Variants in FLRT1 observed in about 807,000 individuals in gnomAD.
The protein encoded by FLRT1 is fibronectin leucine rich transmembrane protein 1.
A neutral mutation model predicts 30.9 loss-of-function variants in FLRT1; 14 were observed. That is an observed-to-expected ratio of 0.45 (90% CI 0.30 to 0.71). FLRT1 has a LOEUF of 0.71. FLRT1 is among the 30% of genes least tolerant of loss of function. The pLI is 0.08. For synonymous variants in FLRT1, 368 were observed against 430.4 expected, an observed-to-expected ratio of 0.85 and a Z score of 1.80; for missense variants, 737 against 949.2, an observed-to-expected ratio of 0.78 and a Z score of 2.94.
chr11:64,099,673 T>C (rs370249322), intron 1 of FLRT1, among the ~76,000 whole-genome samples: 1 of 148,376 alleles, frequency 6.7e-6, no homozygotes, highest in African/African-American at 2.5e-5. Flanking sequence ...AGTGGATAGA[T>C]TGATGGAGGG....
At chr11:64,065,261 C>T (rs995542650) in intron 1 of FLRT1, among the ~76,000 whole-genome samples, 15 of 152,110 alleles carry the variant, frequency 9.9e-5, no homozygotes, top group East Asian at 5.8e-4. Flanking sequence ...AGCAGTGAGG[C>T]GGTGGGTGGG....
At chr11:64,104,582 T>C (rs1944725918) in intron 2 of FLRT1, among the ~76,000 whole-genome samples, 1 of 152,042 alleles carries the variant, frequency 6.6e-6, no homozygotes, top group Non-Finnish European at 1.5e-5. Context: ...TCTGGTAACC[T>C]AGGCTACTTG....
chr11:64,047,393 G>A lies in FLRT1; in HGVS notation c.-1038+11234G>A, dbSNP rs147454662. ...ACTGGGCCAAGGTCACCCAGCAATCGGAGGAGATAAAGCCAGGTCCATGCC... is the reference window on the plus strand; with the variant it reads ...ACTGGGCCAAGGTCACCCAGCAATCAGAGGAGATAAAGCCAGGTCCATGCC... On this transcript the variant is annotated intron_variant, in intron 1 of 2. Coordinates refer to ENST00000682287, the MANE Select transcript of FLRT1 (RefSeq NM_013280.5). Among the ~76,000 whole-genome samples the A allele has an allele frequency of 6.7e-3, 1,019 of 152,254 alleles. 15 individuals carry two copies. The highest frequency in any genetic ancestry group is 0.024 in the African/African-American group (977 of 41,540).
chr11:64,050,640 C>G (rs1943675526), intron 1 of FLRT1, among the ~76,000 whole-genome samples: 1 of 152,224 alleles, frequency 6.6e-6, no homozygotes, highest in African/African-American at 2.4e-5. Context: ...CATGGCCCAG[C>G]TGACTTTCAC....
intron 1 of FLRT1, among the ~76,000 whole-genome samples, chr11:64,084,146 T>C (rs1024455934): frequency 6.6e-6 from 1 of 152,126 alleles, no homozygotes; most frequent in Non-Finnish European, 1.5e-5. Context: ...TGTACATGAG[T>C]GCATGGCACG....
intron 1 of FLRT1, among the ~76,000 whole-genome samples, chr11:64,073,284 C>T (rs898485063): frequency 1.3e-5 from 2 of 152,196 alleles, no homozygotes; most frequent in African/African-American, 2.4e-5. Context: ...TGTGATCAAC[C>T]GGCTGTCACT....
At chr11:64,114,089 T>C (rs1341512600) in intron 2 of FLRT1, among the ~76,000 whole-genome samples, 1 of 149,528 alleles carries the variant, frequency 6.7e-6, no homozygotes, top group Admixed American at 6.6e-5. Context: ...GATGGATGGA[T>C]GGATGGACAG....
intron 1 of FLRT1, among the ~76,000 whole-genome samples, chr11:64,072,573 T>G (rs1167626866): frequency 6.6e-6 from 1 of 152,254 alleles, no homozygotes; most frequent in Non-Finnish European, 1.5e-5. Flanking sequence ...TCCTGACGTG[T>G]GGCCTTGGCC....
chr11:64,105,063 G>A (rs1343655998), intron 2 of FLRT1, among the ~76,000 whole-genome samples: 3 of 152,264 alleles, frequency 2.0e-5, no homozygotes, highest in Non-Finnish European at 2.9e-5. Context: ...TCGTCAGCAC[G>A]GCGCAGCATG....
At chr11:64,092,970 G>A (rs774813382) in intron 1 of FLRT1, among the ~76,000 whole-genome samples, 2 of 152,272 alleles carry the variant, frequency 1.3e-5, no homozygotes, top group Admixed American at 6.5e-5. Flanking sequence ...GAGGGAGTTC[G>A]GCTTGCAGCC....
chr11:64,087,904 C>T (rs907984979), intron 1 of FLRT1, among the ~76,000 whole-genome samples: 1 of 152,176 alleles, frequency 6.6e-6, no homozygotes, highest in Non-Finnish European at 1.5e-5. Context: ...CTTTCTGCGA[C>T]AGGGGAGAGG....
chr11:64,086,377 T>G (rs1312484532), intron 1 of FLRT1, among the ~76,000 whole-genome samples: 1 of 152,070 alleles, frequency 6.6e-6, no homozygotes, highest in African/African-American at 2.4e-5. Context: ...GGTGCCCTTG[T>G]GACTACCCCC....
chr11:64,059,022 G>C (rs1943846295), intron 1 of FLRT1, among the ~76,000 whole-genome samples: 1 of 152,212 alleles, frequency 6.6e-6, no homozygotes, highest in Non-Finnish European at 1.5e-5. Flanking sequence ...GGGCTGAGGA[G>C]TGCCTGATGC....
rs761090066 is a variant in FLRT1, at chr11:64,117,325, G to A, written c.1058G>A (p.Arg353Gln). ...GCACGGGCGGCCGTGGTCAACGTGCGGGGCCTCATGTGCCAGGGCCCTGAG... is the reference window on the plus strand; with the variant it reads ...GCACGGGCGGCCGTGGTCAACGTGCAGGGCCTCATGTGCCAGGGCCCTGAG... ...VKARAAVVNV[R>Q]GLMCQGPEKV... Residue 353 changes from arginine (R) to glutamine (Q), a missense_variant, in exon 3 of 3, where the codon CGG (arginine) becomes CAG (glutamine). Physicochemically the swap from Arg to Gln is conservative, Grantham distance 43. Coordinates refer to ENST00000682287, the MANE Select transcript of FLRT1 (RefSeq NM_013280.5). 14 of 1,614,078 alleles carry A rather than the reference G, an allele frequency of 8.7e-6. No homozygotes were observed. Among genetic ancestry groups the A allele is most frequent in the East Asian group, 4.5e-5 (2 of 44,874 alleles).
In FLRT1 at chr11:64,110,992, A is replaced by G. The variant is rs188077081; in HGVS notation, c.-49-5227A>G. On this transcript the variant is annotated intron_variant, in intron 2 of 2. Coordinates refer to ENST00000682287, the MANE Select transcript of FLRT1 (RefSeq NM_013280.5). ...GCAGGGGAGCCTTTGGCCAAGATGG[A>G]TGAGGCCCACAGACAGTGGAGCGGA... 1.4e-3 allele frequency among the ~76,000 whole-genome samples: 211 copies of G among 152,302 alleles called. 2 individuals are homozygous for G. The highest frequency in any genetic ancestry group is 2.5e-4 in the Non-Finnish European group (17 of 68,030).
chr11:64,045,803 AC>A (rs1485980504), intron 1 of FLRT1, among the ~76,000 whole-genome samples: 4 of 152,184 alleles, frequency 2.6e-5, no homozygotes, highest in Non-Finnish European at 5.9e-5. Context: ...AATAGTAATA[AC>A]AGGTGGGCAT....
chr11:64,043,489 G>C (rs965825382), intron 1 of FLRT1, among the ~76,000 whole-genome samples: 3 of 152,116 alleles, frequency 2.0e-5, no homozygotes, highest in Admixed American at 2.0e-4. Flanking sequence ...GGTGACTCCT[G>C]GGGGAGCTGG....
intron 1 of FLRT1, among the ~76,000 whole-genome samples, chr11:64,049,712 A>G (rs1407879990): frequency 6.6e-6 from 1 of 152,248 alleles, no homozygotes; most frequent in East Asian, 1.9e-4. Flanking sequence ...TGCACACCCC[A>G]GAGCCCAGTG....
intron 2 of FLRT1, among the ~76,000 whole-genome samples, chr11:64,111,528 T>C (rs1265073955): frequency 2.0e-5 from 3 of 152,192 alleles, no homozygotes; most frequent in African/African-American, 7.2e-5. Context: ...AGACGTGCAG[T>C]GGGAAATCTG....
Sources: gnomAD v4.1 joint callset for allele counts (sites outside exome capture counted in the v4.1 genomes callset) on GRCh38, gnomAD v4.1.1 for gene constraint, MANE v1.5 for transcripts, NCBI Gene and HGNC (gene_info 2026-07-23, HGNC 2026-07-21) for gene names.